SLC2A13: variants seen among roughly 807,000 people sequenced by gnomAD.
SLC2A13 encodes proton myo-inositol cotransporter.
In SLC2A13, 32 loss-of-function variants were observed where a neutral mutation model predicts 64.4. The ratio of observed to expected loss-of-function variants is 0.50; its 90% CI spans 0.37 to 0.67. The LOEUF (loss-of-function observed/expected upper bound fraction) is 0.67, where lower values mean the gene tolerates loss of function less well. Ranked by LOEUF, SLC2A13 falls within the 30% of genes least tolerant of loss-of-function variation. The pLI is 0.00. For synonymous variants in SLC2A13, 338 were observed against 327.1 expected (o/e 1.03, Z -0.36); for missense variants, 743 against 829.2 (o/e 0.90, Z 1.28).
rs190661832 is a variant in SLC2A13, at chr12:39,937,006, C to T, written c.1034+14251G>A. On this transcript the variant is annotated intron_variant, in intron 4 of 9. Coordinates refer to ENST00000280871, the MANE Select transcript of SLC2A13 (RefSeq NM_052885.4). ...GTAGAGTTGCAAGCCAAGACTTGGA[C>T]AGCACCACCATTACGGTTCAAATTG... Among the ~76,000 whole-genome samples, 40 of 152,214 alleles carry T rather than the reference C, an allele frequency of 2.6e-4. 1 individual carries two copies. The East Asian group carries it at 6.2e-3, about 24-fold the overall frequency.
intron 3 of SLC2A13, among the ~76,000 whole-genome samples, chr12:39,956,703 C>T (rs995566417): frequency 1.3e-5 from 2 of 152,108 alleles, no homozygotes; most frequent in Non-Finnish European, 2.9e-5. Context: ...GATGAAGCCC[C>T]CTTAACACCT....
chr12:40,037,625 G>C lies in SLC2A13; in HGVS notation c.717-9116C>G, dbSNP rs908479227. Among the ~76,000 whole-genome samples, 5 of 128,928 alleles carry C rather than the reference G, an allele frequency of 3.9e-5. No homozygotes were observed. In the Admixed American group the frequency reaches 4.0e-4, roughly 10 times the overall value. 84.6% of individuals were successfully genotyped at this position (128,928 alleles called of 152,430 possible). ...GTGCCAGAGTGAGACCTGGCACTCAGGTCTCAAAAAAAAAAAAAAAAAAAA... is the reference window on the plus strand; with the variant it reads ...GTGCCAGAGTGAGACCTGGCACTCACGTCTCAAAAAAAAAAAAAAAAAAAA... On this transcript the variant is annotated intron_variant, in intron 2 of 9. Coordinates refer to ENST00000280871, the MANE Select transcript of SLC2A13 (RefSeq NM_052885.4).
At chr12:39,810,275 T>G (rs185647483) in intron 7 of SLC2A13, among the ~76,000 whole-genome samples, 5 of 152,368 alleles carry the variant, frequency 3.3e-5, no homozygotes, top group Admixed American at 3.3e-4. Context: ...AATTTATCTT[T>G]AAGAATTTCA....
At chr12:39,770,649 C>T (rs1455794302) in intron 7 of SLC2A13, among the ~76,000 whole-genome samples, 1 of 152,152 alleles carries the variant, frequency 6.6e-6, no homozygotes. Flanking sequence ...CATCTGCACA[C>T]TCAATGCTTA....
chr12:39,802,010 G>T (rs1224572830), intron 7 of SLC2A13, among the ~76,000 whole-genome samples: 2 of 152,104 alleles, frequency 1.3e-5, no homozygotes, highest in Admixed American at 6.6e-5. Context: ...AGTAAGCAAA[G>T]AATTTCACAT....
chr12:39,896,514 G>GTATATA (rs1944906129), intron 4 of SLC2A13, among the ~76,000 whole-genome samples: 3 of 140,772 alleles, frequency 2.1e-5, no homozygotes, highest in Non-Finnish European at 4.7e-5. Context: ...ATGTACATGT[G>GTATATA]TGTATACATG....
At chr12:39,959,737 C>A (rs370021896) in intron 3 of SLC2A13, among the ~76,000 whole-genome samples, 2 of 151,946 alleles carry the variant, frequency 1.3e-5, no homozygotes, top group Admixed American at 6.6e-5. Context: ...GAAAAAATTA[C>A]GAAGAATTAC....
At chr12:40,056,703 G>A (rs1164894523) in intron 1 of SLC2A13, among the ~76,000 whole-genome samples, 2 of 152,124 alleles carry the variant, frequency 1.3e-5, no homozygotes, top group African/African-American at 4.8e-5. Context: ...AAATGCACAA[G>A]GAATATGTAC....
intron 4 of SLC2A13, among the ~76,000 whole-genome samples, chr12:39,932,286 A>T (rs1270701018): frequency 6.6e-6 from 1 of 152,250 alleles, no homozygotes; most frequent in Non-Finnish European, 1.5e-5. Flanking sequence ...GTACAATAGT[A>T]GTACACTTCT....
At position 40,049,505 on chromosome 12, in the gene SLC2A13, G is replaced by T. The variant is rs187521009; in HGVS notation, c.557-1295C>A. On this transcript the variant is annotated intron_variant, in intron 1 of 9. Transcript: ENST00000280871. Reference sequence around the variant, plus strand: ...CTCTATGGTCTCAGTAACTGCAATAGTTGTGGTTTTCTACAGGTGATTTTT... The same window carrying T: ...CTCTATGGTCTCAGTAACTGCAATATTTGTGGTTTTCTACAGGTGATTTTT... Among the ~76,000 whole-genome samples the T allele has an allele frequency of 8.5e-5, 13 of 152,206 alleles. No individual in the cohort carries two copies. In the East Asian group the frequency reaches 2.1e-3, roughly 25 times the overall value.
chr12:39,880,181 T>G (rs1203972162), intron 4 of SLC2A13, among the ~76,000 whole-genome samples: 1 of 152,174 alleles, frequency 6.6e-6, no homozygotes, highest in South Asian at 2.1e-4. Flanking sequence ...CCTGTAAAGT[T>G]TGTAGAACCA....
intron 3 of SLC2A13, among the ~76,000 whole-genome samples, chr12:39,976,176 A>G (rs1401481067): frequency 6.6e-6 from 1 of 152,218 alleles, no homozygotes; most frequent in African/African-American, 2.4e-5. Context: ...TCAAGGACAT[A>G]GCTGCCCCCA....
chr12:39,901,474 T>C (rs112279101), intron 4 of SLC2A13, among the ~76,000 whole-genome samples: 47,450 of 136,026 alleles, frequency 0.35, 8,686 homozygotes, highest in Non-Finnish European at 0.44. Flanking sequence ...GAATCTACAA[T>C]GAACTCAAAC....
intron 3 of SLC2A13, among the ~76,000 whole-genome samples, chr12:39,970,203 C>A (rs1451543618): frequency 1.3e-5 from 2 of 152,140 alleles, no homozygotes; most frequent in African/African-American, 2.4e-5. Context: ...GTTACTGTAG[C>A]CTTGTAGTAT....
intron 3 of SLC2A13, among the ~76,000 whole-genome samples, chr12:39,962,479 T>C (rs962900299): frequency 2.0e-5 from 3 of 152,190 alleles, no homozygotes; most frequent in African/African-American, 7.2e-5. Context: ...GTCCAGTAGA[T>C]TTCTTAGAAT....
intron 3 of SLC2A13, among the ~76,000 whole-genome samples, chr12:40,026,520 C>T (rs1947810411): frequency 6.6e-6 from 1 of 152,134 alleles, no homozygotes; most frequent in Non-Finnish European, 1.5e-5. Context: ...AAATAGGATA[C>T]ACCGTCAACA....
intron 1 of SLC2A13, among the ~76,000 whole-genome samples, chr12:40,080,191 A>G (rs1048643692): frequency 2.2e-5 from 1 of 45,576 alleles, no homozygotes; most frequent in Non-Finnish European, 4.0e-5. Context: ...TTGATGGCTT[A>G]AAGTCTATTT....
At position 39,896,344 on chromosome 12, in the gene SLC2A13, A is replaced by G. The variant is rs576644952; in HGVS notation, c.1035-24383T>C. On this transcript the variant is annotated intron_variant, in intron 4 of 9. Transcript: ENST00000280871. Reference sequence around the variant, plus strand: ...TGTATATGTGTATATATGTATACATATATGTATGTATATGTGTATATATGT... The same window carrying G: ...TGTATATGTGTATATATGTATACATGTATGTATGTATATGTGTATATATGT... Among the ~76,000 whole-genome samples the G allele has an allele frequency of 5.0e-4, 67 of 134,528 alleles. 1 individual carries two copies. The highest frequency in any genetic ancestry group is 1.9e-3 in the African/African-American group (65 of 34,960). 88.3% of individuals were successfully genotyped at this position (134,528 alleles called of 152,430 possible).
intron 7 of SLC2A13, among the ~76,000 whole-genome samples, chr12:39,812,549 T>C (rs1942207810): frequency 6.6e-6 from 1 of 151,760 alleles, no homozygotes; most frequent in Non-Finnish European, 1.5e-5. Flanking sequence ...CTCAGCTCAC[T>C]GCAACCTCCG....
Sources: gnomAD v4.1 joint callset for allele counts (sites outside exome capture counted in the v4.1 genomes callset) on GRCh38, gnomAD v4.1.1 for gene constraint, MANE v1.5 for transcripts, NCBI Gene and HGNC (gene_info 2026-07-23, HGNC 2026-07-21) for gene names.